The following HERPUD1 variants were observed in gnomAD, a reference collection of about 807,000 sequenced individuals.
HERPUD1 encodes the protein homocysteine-responsive endoplasmic reticulum-resident ubiquitin-like domain member 1 protein.
In HERPUD1, 17 loss-of-function variants were observed where a neutral mutation model predicts 45.0. The ratio of observed to expected loss-of-function variants is 0.38; its 90% confidence interval spans 0.26 to 0.57. The LOEUF (loss-of-function observed/expected upper bound fraction) is 0.57. Among genes scored for constraint, HERPUD1 ranks in the 20% least tolerant of loss-of-function variants. HERPUD1 has a pLI of 0.72. For missense variants in HERPUD1, 420 were observed against 490.5 expected (o/e 0.86, Z 1.36); for synonymous variants, 164 against 177.5 (o/e 0.92, Z 0.61).
At chr16:56,932,664 G>T (rs1410747932) in intron 1 of HERPUD1, among the ~76,000 whole-genome samples, 2 of 152,252 alleles carry the variant, frequency 1.3e-5, no homozygotes, top group African/African-American at 4.8e-5. Context: ...CAGGCAACTC[G>T]GTGTTCCTAA....
rs1352217449 is a variant in HERPUD1, at chr16:56,932,207, T to C, written c.-38T>C. The C allele has an allele frequency of 6.3e-7, 1 of 1,597,900 alleles. No individual in the cohort carries two copies. The highest frequency in any genetic ancestry group is 2.2e-5 in the East Asian group (1 of 44,630). On this transcript the variant is annotated 5_prime_UTR_variant, in exon 1 of 8. Coordinates refer to ENST00000439977, the MANE Select transcript of HERPUD1 (RefSeq NM_014685.4). ...GCTGAGACGCCGCCTGCCTGGCACC[T>C]AGGAGCGCAGCGGAGCCCCGACACC...
At chr16:56,936,855 G>C (rs747393085) in intron 4 of HERPUD1, 38 bp downstream of exon 4, 13 of 1,604,196 alleles carry the variant, frequency 8.1e-6, no homozygotes, top group Non-Finnish European at 1.0e-5. Flanking sequence ...TATGCAACAT[G>C]AATGTTCCTC....
At chr16:56,939,387 G>C (rs747555551) in intron 5 of HERPUD1, 28 bp downstream of exon 5, 4 of 1,613,210 alleles carry the variant, frequency 2.5e-6, no homozygotes, top group Non-Finnish European at 3.4e-6. Flanking sequence ...TGCTGGGTGT[G>C]GCCAGGGCTC....
At chr16:56,938,432 G>A (rs563255352) in intron 4 of HERPUD1, among the ~76,000 whole-genome samples, 12 of 152,208 alleles carry the variant, frequency 7.9e-5, no homozygotes, top group East Asian at 1.9e-4. Flanking sequence ...GTGTGGTGGC[G>A]TGTGCCCGTA....
rs901353236 is a variant in HERPUD1, at chr16:56,943,524, T to G, written c.*234T>G. 63 of 573,202 alleles carry G rather than the reference T, an allele frequency of 1.1e-4. No individual in the cohort carries two copies. The highest frequency in any genetic ancestry group is 1.8e-4 in the Non-Finnish European group (56 of 318,358). 35.5% of individuals were successfully genotyped at this position (573,202 alleles called of 1,614,324 possible). A position where few individuals can be genotyped will look rare whatever the true frequency, so the allele number is the denominator to read the frequency against. On this transcript the variant is annotated 3_prime_UTR_variant, in exon 8 of 8. Transcript: ENST00000439977. ...TATTCTGAAGAGCTTTAATATATAC[T>G]CTATGTAGTTTAATAAGCACTGTAC... is the stretch of plus-strand genomic sequence containing the variant.
At chr16:56,940,556 T>C (rs1307136963) in intron 6 of HERPUD1, among the ~76,000 whole-genome samples, 1 of 152,080 alleles carries the variant, frequency 6.6e-6, no homozygotes, top group Non-Finnish European at 1.5e-5. Context: ...TCTGCCCACC[T>C]TGGCCTCCCA....
chr16:56,934,572 T>C (rs1293282373), intron 1 of HERPUD1, among the ~76,000 whole-genome samples: 2 of 152,062 alleles, frequency 1.3e-5, no homozygotes, highest in East Asian at 1.9e-4. Flanking sequence ...GCCTTGGGAG[T>C]TCTCTGAGTT....
chr16:56,936,776 T>G lies in HERPUD1; in HGVS notation c.390T>G (p.Val130=), dbSNP rs1469414002. Residue 130 remains valine, a synonymous_variant, in exon 4 of 8, where the codon GTT becomes GTG. Coordinates refer to ENST00000439977, the MANE Select transcript of HERPUD1 (RefSeq NM_014685.4). ...SSSDGLRQRE[V]LRNLSSPGWE... is the part of the protein sequence containing the mutation. ...GTGATGGTTTAAGGCAAAGGGAAGT[T>G]CTTCGGAACCTTTCTTCCCCTGGAT... 1 of 1,614,148 alleles carries G rather than the reference T, an allele frequency of 6.2e-7. No individual in the cohort carries two copies. Among genetic ancestry groups the G allele is most frequent in the South Asian group, 1.1e-5 (1 of 91,086 alleles).
chr16:56,939,343 C>G lies in HERPUD1; in HGVS notation c.538C>G (p.Gln180Glu). ...CTGGTTCCAGCAGATATATGCACGA[C>G]AGTACTACATGCAATAGTGAGTCCT... Reference protein sequence around the residue: ...LSWFQQIYARQYYMQYLAATA... With the variant: ...LSWFQQIYAREYYMQYLAATA... Residue 180 changes from glutamine to glutamate, a missense_variant, in exon 5 of 8, where the codon CAG (glutamine) becomes GAG (glutamate). Coordinates refer to ENST00000439977, the MANE Select transcript of HERPUD1 (RefSeq NM_014685.4). 6.2e-7 allele frequency: 1 copy of G among 1,614,190 alleles called. No individual in the cohort carries two copies. Among genetic ancestry groups the G allele is most frequent in the Non-Finnish European group, 8.5e-7 (1 of 1,180,032 alleles).
In HERPUD1 at chr16:56,936,794, C is replaced by G; in HGVS notation, c.408C>G (p.Ser136=). The G allele has an allele frequency of 6.2e-7, 1 of 1,613,828 alleles. No homozygotes were observed. The highest frequency in any genetic ancestry group is 8.5e-7 in the Non-Finnish European group (1 of 1,179,842). The change falls in exon 4 of 8, where the codon TCC becomes TCG. Residue 136 remains serine, a synonymous_variant. Coordinates refer to ENST00000439977, the MANE Select transcript of HERPUD1 (RefSeq NM_014685.4). ...GGGAAGTTCTTCGGAACCTTTCTTC[C>G]CCTGGATGGGAAAACATCTCAAGGT... The part of the protein sequence containing the change: ...RQREVLRNLS[S]PGWENISRPE...
rs1357289560 is a variant in HERPUD1 at position 56,944,728 on chromosome 16, A to C, written c.*1438A>C. ...GGTGATCTGCCCGCCTCGGCCTCCC[A>C]AAGTGCTGGGATTACAGATGTGAGC... On this transcript the variant is annotated 3_prime_UTR_variant, in exon 8 of 8. Coordinates refer to ENST00000439977, the MANE Select transcript of HERPUD1 (RefSeq NM_014685.4). The C allele has an allele frequency of 1.3e-5, 2 of 152,226 alleles. No individual in the cohort carries two copies. The highest frequency in any genetic ancestry group is 2.4e-5 in the African/African-American group (1 of 41,462). 9.4% of individuals were successfully genotyped at this position (152,226 alleles called of 1,614,324 possible).
In HERPUD1 at chr16:56,939,975, C is replaced by T; in HGVS notation, c.635C>T (p.Pro212Leu). 1 of 1,614,190 alleles carries T rather than the reference C, an allele frequency of 6.2e-7. No individual in the cohort carries two copies. The highest frequency in any genetic ancestry group is 8.5e-7 in the Non-Finnish European group (1 of 1,180,022). Residue 212 changes from proline (P) to leucine (L), a missense_variant, in exon 6 of 8, where the codon CCA (proline) becomes CTA (leucine). By Grantham distance (98) the Pro-to-Leu change is moderately conservative. Transcript: ENST00000439977. ...QEIPVVSAPA[P>L]APIHNQFPAE... ...ATACCTGTGGTCTCTGCACCTGCTC[C>T]AGCCCCTATTCACAACCAGTTTCCA...
chr16:56,938,576 A>G (rs1184853199), intron 4 of HERPUD1, among the ~76,000 whole-genome samples: 1 of 151,962 alleles, frequency 6.6e-6, no homozygotes, highest in African/African-American at 2.4e-5. Context: ...AAAAAAAAAA[A>G]AGAAGCATGC....
chr16:56,938,110 G>A (rs1288597295), intron 4 of HERPUD1, among the ~76,000 whole-genome samples: 2 of 152,064 alleles, frequency 1.3e-5, no homozygotes, highest in Non-Finnish European at 2.9e-5. Context: ...TGACCTGCAG[G>A]AATGACCACA....
At chr16:56,933,928 A>AT (rs1249305908) in intron 1 of HERPUD1, among the ~76,000 whole-genome samples, 1 of 152,238 alleles carries the variant, frequency 6.6e-6, no homozygotes, top group African/African-American at 2.4e-5. Context: ...TCACGTATGT[A>AT]TTAGCATTTA....
Position 56,943,191 on chromosome 16 carries a change from C to T in HERPUD1, c.1077C>T (p.Gly359=), listed in dbSNP as rs780814301. 1.7e-5 allele frequency: 28 copies of T among 1,614,006 alleles called. No individual in the cohort carries two copies. Among genetic ancestry groups the T allele is most frequent in the African/African-American group, 8.0e-5 (6 of 74,890 alleles). Residue 359 remains glycine, a synonymous_variant, in exon 8 of 8, where the codon GGC becomes GGT. Transcript: ENST00000439977. ...CTCCAGACAGGGATGTACTAGATGGCGAGCAGACCAGCCCCTCCTTTATGA... is the reference window on the plus strand; with the variant it reads ...CTCCAGACAGGGATGTACTAGATGGTGAGCAGACCAGCCCCTCCTTTATGA... ...HLPPDRDVLD[G]EQTSPSFMST... is the part of the protein sequence containing the mutation.
At chr16:56,935,602 C>A in intron 3 of HERPUD1, 127 bp downstream of exon 3, 1 of 785,002 alleles carries the variant, frequency 1.3e-6, no homozygotes, top group Non-Finnish European at 2.1e-6. Context: ...TATTTTGTTT[C>A]TTTCCTAGGA....
intron 1 of HERPUD1, among the ~76,000 whole-genome samples, chr16:56,934,596 A>G (rs1204199742): frequency 1.3e-5 from 2 of 152,064 alleles, no homozygotes; most frequent in East Asian, 3.9e-4. Flanking sequence ...TCTGAAACCA[A>G]ACTCAATTTG....
At position 56,943,569 on chromosome 16, in the gene HERPUD1, G is replaced by C; in HGVS notation, c.*279G>C. The C allele has an allele frequency of 4.1e-6, 2 of 490,176 alleles. No homozygotes were observed. The highest frequency in any genetic ancestry group is 5.7e-4 in the Middle Eastern group (1 of 1,754). The allele number at this position is 490,176 out of a possible 1,614,324, so 30.4% of individuals were successfully genotyped here. On this transcript the variant is annotated 3_prime_UTR_variant, in exon 8 of 8. Transcript: ENST00000439977. ...CTGTACGTAGAAGGCCTTAGGTGTTGCATGTCTATGCTTGAGGAACTTTTC... is the reference window on the plus strand; with the variant it reads ...CTGTACGTAGAAGGCCTTAGGTGTTCCATGTCTATGCTTGAGGAACTTTTC...
Sources: allele counts gnomAD v4.1 joint callset (sites outside exome capture counted in the v4.1 genomes callset), GRCh38; gene constraint gnomAD v4.1.1; transcripts MANE v1.5; gene names NCBI Gene and HGNC (gene_info 2026-07-23, HGNC 2026-07-21).